DGKB: variants seen among roughly 807,000 people sequenced by gnomAD.
DGKB encodes the protein diacylglycerol kinase beta, also known as 90 kDa diacylglycerol kinase.
A neutral mutation model predicts 114.3 loss-of-function variants in DGKB; 67 were observed. That is an observed-to-expected ratio of 0.59 (90% CI 0.48 to 0.72). The LOEUF is 0.72. DGKB is among the 30% of genes least tolerant of loss of function. The pLI is 0.00. For synonymous variants in DGKB, 398 were observed against 323.1 expected (o/e 1.23, Z -2.49); for missense variants, 907 against 975.2 (o/e 0.93, Z 0.93).
At chr7:14,467,915 G>A (rs1313476673) in intron 21 of DGKB, among the ~76,000 whole-genome samples, 2 of 151,968 alleles carry the variant, frequency 1.3e-5, no homozygotes, top group Non-Finnish European at 2.9e-5. Flanking sequence ...AAAAGTTCAA[G>A]CCAGGCTTAC....
intron 13 of DGKB, among the ~76,000 whole-genome samples, chr7:14,665,965 A>T (rs1331021969): frequency 2.0e-5 from 3 of 152,004 alleles, no homozygotes; most frequent in Non-Finnish European, 4.4e-5. Flanking sequence ...AAATAATTTC[A>T]AAAGTATGGA....
intron 21 of DGKB, among the ~76,000 whole-genome samples, chr7:14,439,022 A>T (rs1315095506): frequency 6.6e-6 from 1 of 151,590 alleles, no homozygotes; most frequent in Non-Finnish European, 1.5e-5. Context: ...GTTTTTTCCA[A>T]GTTTCTTGTA....
At chr7:14,791,056 C>A (rs1170915897) in intron 2 of DGKB, among the ~76,000 whole-genome samples, 4 of 152,182 alleles carry the variant, frequency 2.6e-5, no homozygotes, top group African/African-American at 9.6e-5. Context: ...GTCTTGAACT[C>A]CTATGCTAAA....
chr7:14,709,731 C>T (rs1213525613), intron 6 of DGKB, among the ~76,000 whole-genome samples: 1 of 144,558 alleles, frequency 6.9e-6, no homozygotes, highest in East Asian at 2.1e-4. Context: ...AAACCAAACA[C>T]CGCATATTCT....
intron 5 of DGKB, among the ~76,000 whole-genome samples, chr7:14,723,086 T>C (rs990170804): frequency 2.1e-5 from 3 of 141,516 alleles, no homozygotes; most frequent in East Asian, 5.2e-4. Flanking sequence ...TCTTCCTCGA[T>C]TGCAGTTCAC....
chr7:14,472,915 G>T (rs181978022), intron 21 of DGKB, among the ~76,000 whole-genome samples: 31 of 152,240 alleles, frequency 2.0e-4, no homozygotes, highest in South Asian at 4.1e-4. Context: ...CCATTCAAGA[G>T]GTGACTTGGG....
chr7:14,707,531 C>A (rs1288751649), intron 6 of DGKB, among the ~76,000 whole-genome samples: 3 of 101,602 alleles, frequency 3.0e-5, no homozygotes, highest in Admixed American at 1.1e-4. Context: ...GAATTTTAGA[C>A]CAATATCCTT....
chr7:14,495,231 G>A (rs938044221), intron 20 of DGKB, among the ~76,000 whole-genome samples: 5 of 151,716 alleles, frequency 3.3e-5, no homozygotes, highest in African/African-American at 1.2e-4. Context: ...ATTGCACAAA[G>A]AGAATAATGG....
chr7:14,567,171 TA>T (rs1241024989), intron 20 of DGKB, among the ~76,000 whole-genome samples: 1 of 97,402 alleles, frequency 1.0e-5, no homozygotes, highest in Non-Finnish European at 1.9e-5. Flanking sequence ...TATTTATATA[TA>T]TTATATATAA....
chr7:14,349,059 A>G (rs1812975216), intron 21 of DGKB, among the ~76,000 whole-genome samples: 1 of 152,100 alleles, frequency 6.6e-6, no homozygotes, highest in Non-Finnish European at 1.5e-5. Context: ...TGGCAGAAAC[A>G]TAAAAATGGG....
chr7:14,785,877 AAAGG>A (rs1215519593), intron 2 of DGKB, among the ~76,000 whole-genome samples: 1 of 150,784 alleles, frequency 6.6e-6, no homozygotes, highest in Admixed American at 6.6e-5. Context: ...TTCAGACATT[AAAGG>A]AAGAAGTTTT....
At chr7:14,209,753 C>G (rs1584464098) in intron 23 of DGKB, among the ~76,000 whole-genome samples, 2 of 152,006 alleles carry the variant, frequency 1.3e-5, no homozygotes, top group East Asian at 3.9e-4. Context: ...TTTGATTAAA[C>G]AGAGTTCACT....
intron 23 of DGKB, among the ~76,000 whole-genome samples, chr7:14,285,018 AAAAT>A (rs1025183338): frequency 3.9e-5 from 3 of 77,876 alleles, no homozygotes; most frequent in African/African-American, 1.1e-4. Flanking sequence ...TAATAATAAA[AAAAT>A]AAAAAAATAA....
chr7:14,971,742 TA>T (rs1162442034), intron 1 of DGKB, among the ~76,000 whole-genome samples: 6 of 151,294 alleles, frequency 4.0e-5, no homozygotes, highest in Non-Finnish European at 8.8e-5. Flanking sequence ...TAAACTTGCC[TA>T]CAAAAGGATA....
chr7:14,736,865 G>T (rs1361601732), intron 4 of DGKB, among the ~76,000 whole-genome samples: 2 of 152,080 alleles, frequency 1.3e-5, no homozygotes, highest in East Asian at 3.9e-4. Flanking sequence ...GCCCATTAGC[G>T]GAAATGGTGA....
At chr7:14,274,104 A>G (rs1057215512) in intron 23 of DGKB, among the ~76,000 whole-genome samples, 1 of 152,306 alleles carries the variant, frequency 6.6e-6, no homozygotes, top group Non-Finnish European at 1.5e-5. Flanking sequence ...CAACTGCAAG[A>G]CGGTTCCAGG....
At chr7:14,242,235 G>A (rs1793786351) in intron 23 of DGKB, among the ~76,000 whole-genome samples, 5 of 152,126 alleles carry the variant, frequency 3.3e-5, no homozygotes, top group Non-Finnish European at 1.5e-5. Flanking sequence ...TGTAGACTGA[G>A]TTCTCTTTGA....
chr7:14,552,803 G>A (rs1795291287), intron 20 of DGKB, among the ~76,000 whole-genome samples: 1 of 152,196 alleles, frequency 6.6e-6, no homozygotes. Context: ...GTTCTCAGAT[G>A]TGTGGACTTT....
At chr7:14,886,274 G>A (rs1562814230) in intron 1 of DGKB, among the ~76,000 whole-genome samples, 1 of 151,812 alleles carries the variant, frequency 6.6e-6, no homozygotes, top group Admixed American at 6.6e-5. Context: ...AGCTGACGGA[G>A]ATCTGAACAT....
Sources: allele counts gnomAD v4.1 joint callset (sites outside exome capture counted in the v4.1 genomes callset), GRCh38; gene constraint gnomAD v4.1.1; transcripts MANE v1.5; gene names NCBI Gene and HGNC (gene_info 2026-07-23, HGNC 2026-07-21).